The following DGCR2 variants were observed in gnomAD, a reference collection of about 807,000 sequenced individuals.
DGCR2 encodes DiGeorge syndrome critical region gene 2.
DGCR2 carries 24 observed loss-of-function variants against 51.6 expected under a neutral mutation model. The ratio of observed to expected loss-of-function variants is 0.47; its 90% CI spans 0.34 to 0.65. The LOEUF (loss-of-function observed/expected upper bound fraction) is 0.65. DGCR2 is among the 30% of genes least tolerant of loss of function. The pLI, the probability that DGCR2 is intolerant of heterozygous loss-of-function variation, is 0.01. For missense variants in DGCR2, 765 were observed against 772.1 expected (o/e 0.99, Z 0.11); for synonymous variants, 340 against 315.4 (o/e 1.08, Z -0.82).
chr22:19,110,232 G>A (rs532504309), intron 1 of DGCR2, among the ~76,000 whole-genome samples: 2 of 152,230 alleles, frequency 1.3e-5, no homozygotes, highest in South Asian at 4.1e-4. Flanking sequence ...GCCAAGTGCT[G>A]ATGAGGGTGC....
chr22:19,115,206 A>T (rs561142748), intron 1 of DGCR2, among the ~76,000 whole-genome samples: 1 of 152,338 alleles, frequency 6.6e-6, no homozygotes, highest in South Asian at 2.1e-4. Flanking sequence ...ATCCTCACAC[A>T]GGGCAGTCCA....
chr22:19,074,405 G>A (rs1371457602), intron 2 of DGCR2, among the ~76,000 whole-genome samples: 3 of 129,018 alleles, frequency 2.3e-5, no homozygotes, highest in East Asian at 2.2e-4. Flanking sequence ...GGGCCACAGA[G>A]CAAGATGAAA....
In DGCR2 at chr22:19,060,124, T is replaced by C. The variant is rs2082644912; in HGVS notation, c.626-2962A>G. Among the ~76,000 whole-genome samples, 3 of 152,204 alleles carry C rather than the reference T, an allele frequency of 2.0e-5. No homozygotes were observed. The South Asian group carries it at 6.2e-4, about 31-fold the overall frequency. Reference sequence around the variant, plus strand: ...GGCCTGACCCCAGCTGACCCCATCCTAGACCAATGGTCAGCTCACCCAGAG... The same window carrying C: ...GGCCTGACCCCAGCTGACCCCATCCCAGACCAATGGTCAGCTCACCCAGAG... On this transcript the variant is annotated intron_variant, in intron 5 of 9. Transcript: ENST00000263196.
At chr22:19,047,781 C>A (rs1176444443) in intron 7 of DGCR2, 1 of 152,882 alleles carries the variant, frequency 6.5e-6, no homozygotes, top group Non-Finnish European at 1.5e-5. Flanking sequence ...GAGAATAATA[C>A]TTCATCTTTT....
chr22:19,113,969 T>C (rs1329913720), intron 1 of DGCR2, among the ~76,000 whole-genome samples: 1 of 145,574 alleles, frequency 6.9e-6, no homozygotes, highest in Non-Finnish European at 1.5e-5. Flanking sequence ...TGAGGCAGCA[T>C]AATCACTTGA....
At chr22:19,078,781 G>A (rs958720190) in intron 2 of DGCR2, among the ~76,000 whole-genome samples, 1 of 152,122 alleles carries the variant, frequency 6.6e-6, no homozygotes, top group African/African-American at 2.4e-5. Context: ...TTTTGTTGAG[G>A]ATTTTGTATC....
At chr22:19,050,752 G>A (rs2082539620) in intron 6 of DGCR2, among the ~76,000 whole-genome samples, 1 of 152,188 alleles carries the variant, frequency 6.6e-6, no homozygotes, top group African/African-American at 2.4e-5. Context: ...CTTCACCTAA[G>A]TCTCACATCT....
chr22:19,082,516 G>A (rs373791674), intron 2 of DGCR2, among the ~76,000 whole-genome samples: 4 of 152,102 alleles, frequency 2.6e-5, no homozygotes, highest in South Asian at 2.1e-4. Flanking sequence ...TTGGGAAGCC[G>A]AGGCAGGCAG....
At position 19,039,025 on chromosome 22, in the gene DGCR2, G is replaced by A. The variant is rs1325979300; in HGVS notation, c.1493C>T (p.Pro498Leu). ...GTCTGCCAGAGAGGCCCCCGCAGTG[G>A]GCAGAGGCTGCTCCAGGCGCCGGAG... ...ALLRRLEQPL[P>L]TAGASLADLE... The change falls in exon 10 of 10, where the codon CCC (proline) becomes CTC (leucine). Residue 498 changes from proline (P) to leucine (L), a missense_variant. This residue lies in a region of DGCR2 where 205 missense variants were observed against 181.4 expected (regional missense o/e 1.13). Transcript: ENST00000263196. 3 of 1,612,912 alleles carry A rather than the reference G, an allele frequency of 1.9e-6. No homozygotes were observed. The highest frequency in any genetic ancestry group is 2.5e-6 in the Non-Finnish European group (3 of 1,179,852).
intron 5 of DGCR2, among the ~76,000 whole-genome samples, chr22:19,062,779 A>ATGCATGCTCTCTCTCTCTCCT: frequency 2.4e-5 from 3 of 127,354 alleles, no homozygotes; most frequent in Non-Finnish European, 1.8e-5. Flanking sequence ...ATGCATGCTC[A>ATGCATGCTCTCTCTCTCTCCT]CTCTCTCTCT....
chr22:19,057,027 G>A lies in DGCR2; in HGVS notation c.761C>T (p.Ala254Val). The A allele has an allele frequency of 1.3e-6, 2 of 1,595,338 alleles. No individual in the cohort carries two copies. The highest frequency in any genetic ancestry group is 1.7e-6 in the Non-Finnish European group (2 of 1,170,822). ...LRHHDLHSWH[A>V]ESCYEKSSFL... ...TGAAGACTTCTCGTAGCAGCTCTCG[G>A]CGTGCCAGCTGTGGAGGTCGTGGTG... The change falls in exon 6 of 10, where the codon GCC becomes GTC. Residue 254 changes from alanine (A) to valine (V), a missense_variant. Around this residue, in one of 3 missense-constraint regions of DGCR2, gnomAD observed 190 missense variants for 265.2 expected, o/e 0.72. Coordinates refer to ENST00000263196, the MANE Select transcript of DGCR2 (RefSeq NM_005137.3). This position sits in a 1 kb window ranked among gnomAD's most constrained non-coding sequence, Gnocchi z 5.1.
At chr22:19,090,448 AAAAC>A (rs2083066056) in intron 1 of DGCR2, among the ~76,000 whole-genome samples, 1 of 152,370 alleles carries the variant, frequency 6.6e-6, no homozygotes, top group African/African-American at 2.4e-5. Flanking sequence ...CATGCACAGA[AAAAC>A]AAAGATCTAG....
At chr22:19,051,330 C>T (rs866510502) in intron 6 of DGCR2, among the ~76,000 whole-genome samples, 1 of 151,970 alleles carries the variant, frequency 6.6e-6, no homozygotes. Context: ...TTCCTGAAAG[C>T]TCACCTGAAG....
intron 1 of DGCR2, among the ~76,000 whole-genome samples, chr22:19,096,266 T>A (rs1473368655): frequency 2.0e-5 from 3 of 152,200 alleles, no homozygotes; most frequent in African/African-American, 7.2e-5. Flanking sequence ...AAACTTCACA[T>A]GTTCTCATTC....
intron 7 of DGCR2, 193 bp downstream of exon 7, chr22:19,048,247 G>C: frequency 1.6e-6 from 1 of 620,792 alleles, no homozygotes. Flanking sequence ...CAGCTGGAGG[G>C]GTCGTGTCAG....
intron 7 of DGCR2, 98 bp from the exon 8 acceptor site, chr22:19,042,057 ACAAGGCACACAGTGT>A (rs2082439142): frequency 7.2e-7 from 1 of 1,394,254 alleles, no homozygotes; most frequent in African/African-American, 1.4e-5. Flanking sequence ...GGCTGTGTGG[ACAAGGCACACAGTGT>A]CTCCCTGCAC....
At chr22:19,088,687 T>G (rs2083044651) in intron 2 of DGCR2, among the ~76,000 whole-genome samples, 1 of 152,208 alleles carries the variant, frequency 6.6e-6, no homozygotes, top group South Asian at 2.1e-4. Context: ...TGGATACATG[T>G]ATATGTATGT....
chr22:19,080,417 G>C (rs1021900531), intron 2 of DGCR2, among the ~76,000 whole-genome samples: 1 of 152,304 alleles, frequency 6.6e-6, no homozygotes, highest in East Asian at 1.9e-4. Flanking sequence ...GTATTCATGG[G>C]ATGTTTTACA....
At chr22:19,108,573 A>T (rs1318680284) in intron 1 of DGCR2, among the ~76,000 whole-genome samples, 135 of 19,106 alleles carry the variant, frequency 7.1e-3, no homozygotes, top group Non-Finnish European at 0.013. Context: ...TTTATCTAAA[A>T]AAAAAAAAAA....
Sources: allele counts gnomAD v4.1 joint callset (sites outside exome capture counted in the v4.1 genomes callset), GRCh38; gene constraint gnomAD v4.1.1; regional missense constraint gnomAD v4.1.1; non-coding constraint Gnocchi (gnomAD v3.1); transcripts MANE v1.5; gene names NCBI Gene and HGNC (gene_info 2026-07-23, HGNC 2026-07-21).